The following PTBP2 variants were observed in gnomAD, a reference collection of about 807,000 sequenced individuals.
The protein encoded by PTBP2 is polypyrimidine tract binding protein 2.
Under a neutral mutation model 61.4 loss-of-function variants are expected in PTBP2, and 13 were observed. The observed-to-expected ratio is 0.21, with a 90% confidence interval of 0.14 to 0.34. The LOEUF is 0.34. Among genes scored for constraint, PTBP2 ranks in the 10% least tolerant of loss-of-function variants. The pLI, the probability that PTBP2 is intolerant of heterozygous loss-of-function variation, is 1.00. For synonymous variants in PTBP2, 215 were observed against 218.5 expected (o/e 0.98, Z 0.14); for missense variants, 405 against 642.6 (o/e 0.63, Z 4.00).
chr1:96,723,506 A>C, intron 1 of PTBP2, 58 bp from the exon 2 acceptor site: 2 of 1,477,542 alleles, frequency 1.4e-6, no homozygotes, highest in Non-Finnish European at 1.9e-6. Context: ...TTTAGAGCCA[A>C]AGAGTGAGTG....
intron 2 of PTBP2, among the ~76,000 whole-genome samples, chr1:96,727,308 A>G (rs1650710734): frequency 6.6e-6 from 1 of 152,134 alleles, no homozygotes; most frequent in South Asian, 2.1e-4. Flanking sequence ...GTCTTGAGGG[A>G]CATTTGTATT....
rs556175874 is a variant in PTBP2 at position 96,760,736 on chromosome 1, C to T, written c.116-8967C>T. Among the ~76,000 whole-genome samples, 297 of 152,128 alleles carry T rather than the reference C, an allele frequency of 2.0e-3. 1 individual carries two copies. Among genetic ancestry groups the T allele is most frequent in the Non-Finnish European group, 2.8e-3 (188 of 68,000 alleles). On this transcript the variant is annotated intron_variant, in intron 3 of 13. Coordinates refer to ENST00000674951, the MANE Select transcript of PTBP2 (RefSeq NM_021190.4). ...CTGGGATTACAGGCCTGAGCCACTG[C>T]GTCTGACCTAGTTTACTATTTTCTT...
chr1:96,728,785 G>A (rs1380317182), intron 2 of PTBP2, among the ~76,000 whole-genome samples: 2 of 145,854 alleles, frequency 1.4e-5, no homozygotes, highest in Admixed American at 1.4e-4. Flanking sequence ...TACAATTGAT[G>A]TCTCTATTAG....
At chr1:96,763,123 G>A (rs900578580) in intron 3 of PTBP2, among the ~76,000 whole-genome samples, 1 of 150,394 alleles carries the variant, frequency 6.6e-6, no homozygotes, top group South Asian at 2.1e-4. Flanking sequence ...GGCTCCTCAC[G>A]TTCCAGACGA....
intron 8 of PTBP2, among the ~76,000 whole-genome samples, chr1:96,797,866 C>A (rs1490179943): frequency 6.6e-6 from 1 of 151,990 alleles, no homozygotes; most frequent in African/African-American, 2.4e-5. Flanking sequence ...ATTTTTGATC[C>A]AAGGTTGGTT....
At chr1:96,797,422 A>C (rs995675784) in intron 8 of PTBP2, among the ~76,000 whole-genome samples, 1 of 152,182 alleles carries the variant, frequency 6.6e-6, no homozygotes, top group African/African-American at 2.4e-5. Flanking sequence ...CAAAATAAGA[A>C]CTCAAGGGAA....
intron 3 of PTBP2, among the ~76,000 whole-genome samples, chr1:96,760,440 CTT>C (rs989047792): frequency 2.0e-4 from 17 of 83,072 alleles, no homozygotes; most frequent in East Asian, 1.2e-3. Context: ...AAATAGTTTG[CTT>C]TTTTTTTTTT....
Position 96,798,130 on chromosome 1 carries a change from A to G in PTBP2, c.905-6670A>G, listed in dbSNP as rs144004133. Among the ~76,000 whole-genome samples the G allele has an allele frequency of 9.9e-3, 1,500 of 151,458 alleles. 30 individuals are homozygous for G. Among genetic ancestry groups the G allele is most frequent in the African/African-American group, 0.035 (1,433 of 41,302 alleles). ...CTGTCAGGCGTGGTGTCTCATGCCT[A>G]TAATCCCAGTCATGCCTGTAATCCC... On this transcript the variant is annotated intron_variant, in intron 8 of 13. Coordinates refer to ENST00000674951, the MANE Select transcript of PTBP2 (RefSeq NM_021190.4).
At chr1:96,811,325 G>A (rs1223604546) in intron 11 of PTBP2, among the ~76,000 whole-genome samples, 1 of 152,084 alleles carries the variant, frequency 6.6e-6, no homozygotes, top group Non-Finnish European at 1.5e-5. Context: ...GTAGTATACT[G>A]TTTATATTAG....
Position 96,806,886 on chromosome 1 carries a change from C to T in PTBP2, c.1099C>T (p.Arg367Cys). 6.2e-7 allele frequency: 1 copy of T among 1,611,140 alleles called. No homozygotes were observed. The highest frequency in any genetic ancestry group is 8.5e-7 in the Non-Finnish European group (1 of 1,179,170). ...TLFGVYGDVQ[R>C]VKILYNKKDS... ...AAAAGGTGTTTATGGAGATGTGCAG[C>T]GTGTGAAGATTTTATACAATAAGAA... Residue 367 changes from arginine to cysteine, a missense_variant, in exon 11 of 14, where the codon CGT (arginine) becomes TGT (cysteine). Around this residue, in one of 4 missense-constraint regions of PTBP2, gnomAD observed 342 missense variants for 491.2 expected, o/e 0.70. Coordinates refer to ENST00000674951, the MANE Select transcript of PTBP2 (RefSeq NM_021190.4).
At chr1:96,739,644 T>G (rs1344072743) in intron 2 of PTBP2, among the ~76,000 whole-genome samples, 6 of 131,930 alleles carry the variant, frequency 4.5e-5, no homozygotes, top group African/African-American at 1.9e-4. Flanking sequence ...TTTTTTTTTT[T>G]GAGACGGAGT....
intron 3 of PTBP2, among the ~76,000 whole-genome samples, chr1:96,768,918 A>G (rs968083079): frequency 2.0e-5 from 3 of 152,118 alleles, no homozygotes; most frequent in Admixed American, 6.5e-5. Context: ...CCCACCTTCA[A>G]GTACATTTTT....
chr1:96,733,261 T>C (rs1185334581), intron 2 of PTBP2, among the ~76,000 whole-genome samples: 1 of 151,966 alleles, frequency 6.6e-6, no homozygotes, highest in Non-Finnish European at 1.5e-5. Context: ...CGACACATTC[T>C]TGTGCCTCCG....
rs373815292 is a variant in PTBP2, at chr1:96,799,294, C to CTTTT, written c.905-5490_905-5487dup. Among the ~76,000 whole-genome samples the CTTTT allele has an allele frequency of 6.5e-4, 60 of 92,164 alleles. 4 individuals carry two copies. Among genetic ancestry groups the CTTTT allele is most frequent in the Non-Finnish European group, 8.8e-4 (44 of 50,252 alleles). The allele number at this position is 92,164 out of a possible 152,430, so 60.5% of individuals were successfully genotyped here. A position where few individuals can be genotyped will look rare whatever the true frequency, so the allele number is the denominator to read the frequency against. On this transcript the variant is annotated intron_variant, in intron 8 of 13. Transcript: ENST00000674951. ...ATAGCAATCCTCAGAATAGATCAAG[C>CTTTT]TTTTTTTTTTTTTTTTTTTGAGATG...
chr1:96,811,679 G>C (rs1221202782), intron 11 of PTBP2, among the ~76,000 whole-genome samples: 3 of 152,146 alleles, frequency 2.0e-5, no homozygotes, highest in Non-Finnish European at 2.9e-5. Context: ...GCCTCCCAAA[G>C]TGTTGGGATT....
intron 2 of PTBP2, among the ~76,000 whole-genome samples, chr1:96,734,333 C>G (rs1362926840): frequency 2.6e-5 from 4 of 152,118 alleles, no homozygotes; most frequent in Non-Finnish European, 5.9e-5. Context: ...AGAATAGGGA[C>G]TCTCCTCTCC....
intron 8 of PTBP2, among the ~76,000 whole-genome samples, chr1:96,791,826 C>CTTTTTTTTGTTTTTTTTTTTTTTTTTTTT (rs1482989030): frequency 1.5e-5 from 1 of 66,122 alleles, no homozygotes; most frequent in African/African-American, 8.2e-5. Flanking sequence ...TGGAGTTGTG[C>CTTTTTTTTGTTTTTTTTTTTTTTTTTTTT]TTTTTTTTTT....
intron 8 of PTBP2, among the ~76,000 whole-genome samples, chr1:96,794,806 A>G (rs1032021284): frequency 1.3e-5 from 2 of 152,212 alleles, no homozygotes; most frequent in African/African-American, 4.8e-5. Flanking sequence ...TTTATGGGCC[A>G]AAAACAGCAT....
At chr1:96,789,392 C>T (rs1659548316) in intron 8 of PTBP2, among the ~76,000 whole-genome samples, 1 of 151,950 alleles carries the variant, frequency 6.6e-6, no homozygotes, top group African/African-American at 2.4e-5. Flanking sequence ...TTGAAGTCAC[C>T]AGATTCTACC....
Sources: gnomAD v4.1 joint callset for allele counts (sites outside exome capture counted in the v4.1 genomes callset) on GRCh38, gnomAD v4.1.1 for gene constraint, gnomAD v4.1.1 regional missense constraint, MANE v1.5 for transcripts, NCBI Gene and HGNC (gene_info 2026-07-23, HGNC 2026-07-21) for gene names.